NBAS: variants seen among roughly 807,000 people sequenced by gnomAD.
NBAS encodes NBAS subunit of NRZ tethering complex, also known as NAG/BC035112 fusion.
In NBAS, 219 loss-of-function variants were observed where a neutral mutation model predicts 302.5. The ratio of observed to expected loss-of-function variants is 0.72; its 90% CI spans 0.65 to 0.81. NBAS has a LOEUF of 0.81. Among genes scored for constraint, NBAS ranks in the 30% least tolerant of loss-of-function variants. The pLI is 0.00. For missense variants in NBAS, 2,932 were observed against 2,841.6 expected, an observed-to-expected ratio of 1.03 and a Z score of -0.72; for synonymous variants, 1,118 against 1,021.6, an observed-to-expected ratio of 1.09 and a Z score of -1.80.
chr2:14,835,991 A>G, the NBAS span, among the ~76,000 whole-genome samples: 1 of 151,944 alleles, frequency 6.6e-6, no homozygotes, highest in South Asian at 2.1e-4. Context: ...TGCCTTTCTA[A>G]TTTCAGCTAT....
intron 34 of NBAS, among the ~76,000 whole-genome samples, chr2:15,353,112 C>A (rs1375841300): frequency 1.3e-5 from 2 of 152,168 alleles, no homozygotes; most frequent in African/African-American, 4.8e-5. Flanking sequence ...CTATGCAGAT[C>A]TATTCTGTGA....
chr2:15,146,955 C>T, the NBAS span, among the ~76,000 whole-genome samples: 7 of 152,176 alleles, frequency 4.6e-5, no homozygotes, highest in South Asian at 2.1e-4. Flanking sequence ...GCTGGTTACC[C>T]GCTGTGTCTG....
At chr2:15,334,530 T>G (rs1254513095) in intron 35 of NBAS, among the ~76,000 whole-genome samples, 1 of 152,206 alleles carries the variant, frequency 6.6e-6, no homozygotes, top group East Asian at 1.9e-4. Context: ...ACTTGTTCTT[T>G]ACAGGATTTT....
the NBAS span, among the ~76,000 whole-genome samples, chr2:15,132,081 A>C: frequency 6.6e-5 from 10 of 152,216 alleles, no homozygotes; most frequent in African/African-American, 2.4e-4. Context: ...CTTGGTATTT[A>C]CCCAAATGAG....
chr2:14,985,182 A>G, the NBAS span, among the ~76,000 whole-genome samples: 1 of 152,206 alleles, frequency 6.6e-6, no homozygotes, highest in Non-Finnish European at 1.5e-5. Context: ...TTGTTTACAC[A>G]GGGAACGCCA....
the NBAS span, among the ~76,000 whole-genome samples, chr2:15,113,966 A>C: frequency 6.6e-6 from 1 of 152,286 alleles, no homozygotes; most frequent in South Asian, 2.1e-4. Context: ...CTCTTGGTGA[A>C]AGAACACACC....
At chr2:14,970,997 T>C in the NBAS span, among the ~76,000 whole-genome samples, 3,204 of 152,320 alleles carry the variant, frequency 0.021, 128 homozygotes, top group African/African-American at 0.074. Flanking sequence ...GGAAGAATTA[T>C]GGCAGAAAGA....
intron 44 of NBAS, among the ~76,000 whole-genome samples, chr2:15,259,378 G>A (rs1162483326): frequency 1.3e-5 from 2 of 152,186 alleles, no homozygotes; most frequent in African/African-American, 2.4e-5. Context: ...GCAAGGCCAT[G>A]TCCCTAGAAT....
chr2:15,087,263 A>G, the NBAS span, among the ~76,000 whole-genome samples: 4 of 148,882 alleles, frequency 2.7e-5, no homozygotes, highest in Admixed American at 6.6e-5. Context: ...CACACCCCAT[A>G]TTGGTTCTGT....
chr2:14,824,920 C>T, the NBAS span, among the ~76,000 whole-genome samples: 1,254 of 152,230 alleles, frequency 8.2e-3, 11 homozygotes, highest in Middle Eastern at 0.02. Context: ...GGTTCAGGAG[C>T]TGCAAGCAAA....
chr2:14,929,877 C>A, the NBAS span, among the ~76,000 whole-genome samples: 1 of 152,186 alleles, frequency 6.6e-6, no homozygotes, highest in South Asian at 2.1e-4. Flanking sequence ...GCAGGAGGAA[C>A]CTGGTAGGAG....
chr2:15,199,820 T>C (rs73194944), intron 48 of NBAS, among the ~76,000 whole-genome samples: 2,698 of 151,612 alleles, frequency 0.018, 66 homozygotes, highest in African/African-American at 0.06. Flanking sequence ...GATTGGTGCA[T>C]AGTAGGCACA....
At chr2:14,935,765 C>A in the NBAS span, among the ~76,000 whole-genome samples, 4 of 152,218 alleles carry the variant, frequency 2.6e-5, no homozygotes, top group African/African-American at 9.6e-5. Flanking sequence ...TCTGGTCTGT[C>A]TGCCTCAGCC....
the NBAS span, among the ~76,000 whole-genome samples, chr2:15,013,642 G>A: frequency 3.3e-4 from 50 of 152,112 alleles, no homozygotes; most frequent in African/African-American, 1.2e-3. Flanking sequence ...AAATTAGCTG[G>A]GTGTGGTGGC....
At chr2:14,908,357 C>T in the NBAS span, among the ~76,000 whole-genome samples, 22 of 152,120 alleles carry the variant, frequency 1.4e-4, no homozygotes, top group Non-Finnish European at 1.8e-4. Flanking sequence ...AGCGAGACTC[C>T]GTCTCAAAAT....
chr2:15,234,473 G>A (rs1413070274), intron 46 of NBAS, 72 bp downstream of exon 46: 10 of 1,475,692 alleles, frequency 6.8e-6, no homozygotes, highest in African/African-American at 1.4e-5. Context: ...TTTACATACA[G>A]GATGACAGTT....
the NBAS span, among the ~76,000 whole-genome samples, chr2:14,940,391 C>T: frequency 1.3e-5 from 2 of 152,182 alleles, no homozygotes; most frequent in South Asian, 4.1e-4. Context: ...TCCCCCTTCC[C>T]CTTCCGCCAT....
intron 12 of NBAS, among the ~76,000 whole-genome samples, chr2:15,478,703 C>T (rs1680298249): frequency 6.6e-6 from 1 of 152,166 alleles, no homozygotes; most frequent in Non-Finnish European, 1.5e-5. Context: ...TGAGACTTGA[C>T]TAGGCAACCT....
At chr2:15,324,087 T>C (rs1403106198) in intron 38 of NBAS, among the ~76,000 whole-genome samples, 1 of 152,054 alleles carries the variant, frequency 6.6e-6, no homozygotes, top group Non-Finnish European at 1.5e-5. Context: ...ATCATGCAGG[T>C]CAGGGGACCA....
Sources: gnomAD v4.1 joint callset for allele counts (sites outside exome capture counted in the v4.1 genomes callset) on GRCh38, gnomAD v4.1.1 for gene constraint, MANE v1.5 for transcripts, NCBI Gene and HGNC (gene_info 2026-07-23, HGNC 2026-07-21) for gene names.